Variants in KDM4C observed in about 807,000 individuals in gnomAD.
KDM4C encodes the protein lysine-specific demethylase 4C.
A neutral mutation model predicts 129.3 loss-of-function variants in KDM4C; 81 were observed. The observed-to-expected ratio is 0.63, with a 90% CI of 0.52 to 0.75. The LOEUF (loss-of-function observed/expected upper bound fraction) is 0.75, where lower values mean the gene tolerates loss of function less well. Ranked by LOEUF, KDM4C falls within the 30% of genes least tolerant of loss-of-function variation. KDM4C has a pLI of 0.00. For missense variants in KDM4C, 1,457 were observed against 1,304.0 expected, an observed-to-expected ratio of 1.12 and a Z score of -1.81; for synonymous variants, 573 against 456.1, an observed-to-expected ratio of 1.26 and a Z score of -3.26.
chr9:7,148,062 G>C (rs909294650), intron 19 of KDM4C, among the ~76,000 whole-genome samples: 3 of 152,216 alleles, frequency 2.0e-5, no homozygotes, highest in African/African-American at 7.2e-5. Flanking sequence ...AGGCATGCCA[G>C]CTGTTGTGGT....
chr9:6,912,370 T>A (rs1197425782), intron 8 of KDM4C, among the ~76,000 whole-genome samples: 1 of 152,220 alleles, frequency 6.6e-6, no homozygotes, highest in Non-Finnish European at 1.5e-5. Flanking sequence ...TTCTGAAGAC[T>A]GCTGGAGAAG....
chr9:7,116,807 C>G (rs1461110551), intron 18 of KDM4C, among the ~76,000 whole-genome samples: 1 of 152,138 alleles, frequency 6.6e-6, no homozygotes, highest in Non-Finnish European at 1.5e-5. Flanking sequence ...TGTGTTTTCT[C>G]TTTCTCTGTC....
At chr9:6,804,414 A>T (rs1009519509) in intron 2 of KDM4C, among the ~76,000 whole-genome samples, 1 of 152,178 alleles carries the variant, frequency 6.6e-6, no homozygotes, top group Non-Finnish European at 1.5e-5. Flanking sequence ...GTTATTAAAG[A>T]TCTACTAGCA....
chr9:6,930,215 C>G (rs1240556771), intron 8 of KDM4C, among the ~76,000 whole-genome samples: 7 of 152,132 alleles, frequency 4.6e-5, no homozygotes, highest in Non-Finnish European at 1.0e-4. Flanking sequence ...GGGAACTACT[C>G]CAGGGTGGCC....
intron 5 of KDM4C, among the ~76,000 whole-genome samples, chr9:6,875,955 T>C (rs567118693): frequency 6.6e-6 from 1 of 152,306 alleles, no homozygotes; most frequent in South Asian, 2.1e-4. Context: ...ACCTGGTGAT[T>C]TGAGTATCCT....
At chr9:6,763,134 C>A (rs1396709006) in intron 1 of KDM4C, among the ~76,000 whole-genome samples, 5 of 152,216 alleles carry the variant, frequency 3.3e-5, no homozygotes, top group African/African-American at 1.2e-4. Context: ...CAGAATAATT[C>A]CTTTAAGGAA....
chr9:6,770,697 T>C (rs990221020), intron 1 of KDM4C, among the ~76,000 whole-genome samples: 3 of 149,358 alleles, frequency 2.0e-5, no homozygotes, highest in Admixed American at 6.8e-5. Context: ...TTGTGTTTGA[T>C]GTTTTTCAAC....
intron 8 of KDM4C, chr9:6,973,827 A>G (rs190727476): frequency 2.6e-5 from 4 of 152,222 alleles, no homozygotes; most frequent in African/African-American, 9.7e-5. Flanking sequence ...ACTTGTGCAG[A>G]AAAGATGGAG....
At chr9:7,038,154 C>T (rs113513586) in intron 15 of KDM4C, among the ~76,000 whole-genome samples, 2,452 of 152,034 alleles carry the variant, frequency 0.016, 70 homozygotes, top group African/African-American at 0.056. Context: ...GATATAAATA[C>T]CCACAGTCAC....
At chr9:6,951,384 C>T (rs1170049297) in intron 8 of KDM4C, among the ~76,000 whole-genome samples, 1 of 152,132 alleles carries the variant, frequency 6.6e-6, no homozygotes, top group East Asian at 1.9e-4. Flanking sequence ...CTCTGAAGCC[C>T]AGTATCAGTT....
chr9:6,803,969 C>T (rs1244229238), intron 2 of KDM4C, among the ~76,000 whole-genome samples: 1 of 152,008 alleles, frequency 6.6e-6, no homozygotes, highest in Non-Finnish European at 1.5e-5. Context: ...ATTACAGGTG[C>T]CTGTCACCAC....
chr9:7,040,402 TGTGC>T (rs1205946880), intron 15 of KDM4C, among the ~76,000 whole-genome samples: 3 of 148,180 alleles, frequency 2.0e-5, no homozygotes, highest in African/African-American at 5.0e-5. Context: ...TGTGTGTGTG[TGTGC>T]GTGTGTATGT....
chr9:6,766,712 A>G (rs1820697707), intron 1 of KDM4C, among the ~76,000 whole-genome samples: 5 of 151,804 alleles, frequency 3.3e-5, no homozygotes, highest in Admixed American at 3.3e-4. Flanking sequence ...ATAAATGATC[A>G]CATAGTTTTT....
At chr9:6,904,821 G>A (rs1157333523) in intron 8 of KDM4C, among the ~76,000 whole-genome samples, 1 of 152,104 alleles carries the variant, frequency 6.6e-6, no homozygotes, top group Admixed American at 6.6e-5. Flanking sequence ...GAAGATACGA[G>A]AGGAAAAAGT....
In KDM4C at chr9:7,175,020, A is replaced by G. The variant is rs977091037; in HGVS notation, c.*291A>G. 1 of 253,786 alleles carries G rather than the reference A, an allele frequency of 3.9e-6. No individual in the cohort carries two copies. 15.7% of individuals were successfully genotyped at this position (253,786 alleles called of 1,614,324 possible). ...AGGAAATACTAGTGAATCACCCACA[A>G]GGAAAAGCCACTGCCACAGAGGAGG... On this transcript the variant is annotated 3_prime_UTR_variant, in exon 22 of 22. Coordinates refer to ENST00000381309, the MANE Select transcript of KDM4C (RefSeq NM_015061.6).
chr9:6,879,653 C>G (rs1844138874), intron 5 of KDM4C, among the ~76,000 whole-genome samples: 1 of 152,030 alleles, frequency 6.6e-6, no homozygotes, highest in South Asian at 2.1e-4. Flanking sequence ...AACATACAAC[C>G]AAAACAACCC....
intron 18 of KDM4C, among the ~76,000 whole-genome samples, chr9:7,120,232 G>A (rs983557402): frequency 2.7e-4 from 41 of 151,774 alleles, no homozygotes; most frequent in African/African-American, 8.5e-4. Flanking sequence ...ATGTTGTTGT[G>A]CCTTTGATGA....
At position 6,855,891 on chromosome 9, in the gene KDM4C, CATTT is replaced by C. The variant is rs567683241; in HGVS notation, c.629+6195_629+6198del. 2.3e-3 allele frequency among the ~76,000 whole-genome samples: 356 copies of C among 152,238 alleles called. 4 individuals carry two copies. The highest frequency in any genetic ancestry group is 3.4e-4 in the Non-Finnish European group (23 of 68,018). Reference sequence around the variant, plus strand: ...CTATTCATTCATTCATTCGTTCATTCATTTATTATGTGGTTTAAATTTTCTTTTT... The same window carrying C: ...CTATTCATTCATTCATTCGTTCATTCATTATGTGGTTTAAATTTTCTTTTT... On this transcript the variant is annotated intron_variant, in intron 5 of 21. Coordinates refer to ENST00000381309, the MANE Select transcript of KDM4C (RefSeq NM_015061.6).
At chr9:6,824,579 T>G (rs1833572033) in intron 4 of KDM4C, among the ~76,000 whole-genome samples, 1 of 151,812 alleles carries the variant, frequency 6.6e-6, no homozygotes, top group Admixed American at 6.6e-5. Context: ...TTATATCTAT[T>G]GTTTTTTATT....
Sources: allele counts gnomAD v4.1 joint callset (sites outside exome capture counted in the v4.1 genomes callset), GRCh38; gene constraint gnomAD v4.1.1; transcripts MANE v1.5; gene names NCBI Gene and HGNC (gene_info 2026-07-23, HGNC 2026-07-21).